Variants in BAIAP2 observed in about 807,000 individuals in gnomAD.
The protein encoded by BAIAP2 is BAR/IMD domain-containing adapter protein 2.
BAIAP2 carries 18 observed loss-of-function variants against 63.0 expected under a neutral mutation model. The ratio of observed to expected loss-of-function variants is 0.29; its 90% CI spans 0.20 to 0.42. The LOEUF is 0.42. BAIAP2 is among the 10% of genes least tolerant of loss of function. BAIAP2 has a pLI of 1.00. For synonymous variants in BAIAP2, 386 were observed against 307.6 expected, an observed-to-expected ratio of 1.25 and a Z score of -2.67; for missense variants, 610 against 734.3, an observed-to-expected ratio of 0.83 and a Z score of 1.96.
chr17:81,086,731 T>C (rs926470807), intron 6 of BAIAP2, 151 bp downstream of exon 6: 2 of 883,012 alleles, frequency 2.3e-6, no homozygotes, highest in Non-Finnish European at 3.5e-6. Flanking sequence ...TCGGGAGCGG[T>C]GGGCCTGACG....
intron 6 of BAIAP2, among the ~76,000 whole-genome samples, chr17:81,098,375 G>A (rs1223787784): frequency 6.6e-6 from 1 of 151,918 alleles, no homozygotes; most frequent in East Asian, 1.9e-4. Context: ...CCTGGGCTCA[G>A]CTACAGTTTC....
chr17:81,088,108 C>T (rs1421789559), intron 6 of BAIAP2, among the ~76,000 whole-genome samples: 1 of 152,098 alleles, frequency 6.6e-6, no homozygotes, highest in African/African-American at 2.4e-5. Flanking sequence ...TGCTACTTTG[C>T]TTTCTGAAGA....
At position 81,106,119 on chromosome 17, in the gene BAIAP2, G is replaced by A; in HGVS notation, c.1310G>A (p.Ser437Asn). 6.3e-7 allele frequency: 1 copy of A among 1,584,986 alleles called. No homozygotes were observed. Among genetic ancestry groups the A allele is most frequent in the African/African-American group, 1.3e-5 (1 of 74,756 alleles). Reference protein sequence around the residue: ...FPFSYTRVLDSDGSDRLHMSL... With the variant: ...FPFSYTRVLDNDGSDRLHMSL... ...TTCTCCTACACCCGGGTCTTGGACA[G>A]CGATGGCAGTGACAGGCTGCACATG... Residue 437 changes from serine to asparagine, a missense_variant, in exon 11 of 14, where the codon AGC (serine) becomes AAC (asparagine). Ser to Asn is a conservative substitution (Grantham distance 46). Transcript: ENST00000428708.
chr17:81,093,171 C>T (rs1057000322), intron 6 of BAIAP2, among the ~76,000 whole-genome samples: 1 of 151,978 alleles, frequency 6.6e-6, no homozygotes, highest in Non-Finnish European at 1.5e-5. Flanking sequence ...AGCCCCGGCC[C>T]GCTGGATGCA....
intron 3 of BAIAP2, among the ~76,000 whole-genome samples, chr17:81,082,682 C>T (rs1218508661): frequency 3.3e-5 from 5 of 152,200 alleles, no homozygotes; most frequent in Non-Finnish European, 7.3e-5. Flanking sequence ...AATCTGTGCC[C>T]CTGACACGGA....
At chr17:81,038,958 C>T (rs2046697076) in intron 1 of BAIAP2, among the ~76,000 whole-genome samples, 1 of 152,244 alleles carries the variant, frequency 6.6e-6, no homozygotes, top group Non-Finnish European at 1.5e-5. Context: ...CTGGACCCAG[C>T]TCCGTGCGCG....
chr17:81,094,553 C>T (rs1028830929), intron 6 of BAIAP2, among the ~76,000 whole-genome samples: 10 of 152,138 alleles, frequency 6.6e-5, no homozygotes, highest in African/African-American at 1.2e-4. Flanking sequence ...CCAGAGGGTG[C>T]GGCTTACCCT....
intron 2 of BAIAP2, among the ~76,000 whole-genome samples, chr17:81,054,040 T>C (rs1366603233): frequency 5.8e-4 from 11 of 18,822 alleles, no homozygotes; most frequent in Non-Finnish European, 3.7e-4. Flanking sequence ...GGTAGAACTG[T>C]GCCCGGGCCC....
At chr17:81,048,965 C>T (rs916661813) in intron 1 of BAIAP2, among the ~76,000 whole-genome samples, 1 of 152,168 alleles carries the variant, frequency 6.6e-6, no homozygotes, top group African/African-American at 2.4e-5. Flanking sequence ...GGCCGGACCG[C>T]CTTCATGGGC....
intron 3 of BAIAP2, among the ~76,000 whole-genome samples, chr17:81,072,928 C>T (rs966531376): frequency 1.3e-5 from 2 of 151,892 alleles, no homozygotes; most frequent in Non-Finnish European, 1.5e-5. Flanking sequence ...TGATTTAATC[C>T]CGGGTGCCGG....
chr17:81,050,379 C>T (rs2048480235), intron 1 of BAIAP2, among the ~76,000 whole-genome samples: 1 of 138,836 alleles, frequency 7.2e-6, no homozygotes, highest in South Asian at 2.5e-4. Flanking sequence ...CTCCTGCATT[C>T]CTTCCGTGTG....
chr17:81,100,523 A>T (rs1170693544), intron 7 of BAIAP2, among the ~76,000 whole-genome samples: 2 of 151,924 alleles, frequency 1.3e-5, no homozygotes. Context: ...CCTGGGGTAC[A>T]GCCTCTGGGC....
intron 3 of BAIAP2, among the ~76,000 whole-genome samples, chr17:81,071,983 C>T (rs188333220): frequency 1.3e-4 from 20 of 152,366 alleles, no homozygotes; most frequent in Admixed American, 2.6e-4. Flanking sequence ...ATCATCCCCC[C>T]CTCCCCCTCT....
intron 4 of BAIAP2, chr17:81,085,102 A>G (rs1016306925): frequency 1.7e-6 from 1 of 600,274 alleles, no homozygotes; most frequent in South Asian, 1.9e-5. Flanking sequence ...CGCATGTTTC[A>G]CTGGCTGCAG....
chr17:81,073,045 A>G (rs1382690929), intron 3 of BAIAP2, among the ~76,000 whole-genome samples: 1 of 152,022 alleles, frequency 6.6e-6, no homozygotes, highest in African/African-American at 2.4e-5. Flanking sequence ...ACCCCCAGCC[A>G]GCAGACAGGT....
intron 13 of BAIAP2, chr17:81,110,817 A>G: frequency 6.7e-7 from 1 of 1,488,994 alleles, no homozygotes; most frequent in Non-Finnish European, 9.4e-7. Flanking sequence ...CCAGGGTTCT[A>G]GGTCTCCTGG....
At chr17:81,051,421 G>T (rs959125010) in intron 1 of BAIAP2, among the ~76,000 whole-genome samples, 2 of 152,116 alleles carry the variant, frequency 1.3e-5, no homozygotes, top group African/African-American at 4.8e-5. Flanking sequence ...ATTTTTTTGA[G>T]ACAGAGTCTC....
chr17:81,072,009 G>A (rs1033192955), intron 3 of BAIAP2, among the ~76,000 whole-genome samples: 4 of 152,162 alleles, frequency 2.6e-5, no homozygotes, highest in African/African-American at 2.4e-5. Flanking sequence ...CGGCCTCCCC[G>A]GCCTTCCCAG....
At chr17:81,097,992 G>T in intron 6 of BAIAP2, 1 of 734,590 alleles carries the variant, frequency 1.4e-6, no homozygotes, top group Non-Finnish European at 1.9e-6. Context: ...TTCTGGAATC[G>T]GGAACCCCGG....
Sources: allele counts gnomAD v4.1 joint callset (sites outside exome capture counted in the v4.1 genomes callset), GRCh38; gene constraint gnomAD v4.1.1; transcripts MANE v1.5; gene names NCBI Gene and HGNC (gene_info 2026-07-23, HGNC 2026-07-21).